The following DOCK10 variants were observed in gnomAD, a reference collection of about 807,000 sequenced individuals.
The protein encoded by DOCK10 is dedicator of cytokinesis 10.
Under a neutral mutation model 280.1 loss-of-function variants are expected in DOCK10, and 145 were observed. The ratio of observed to expected loss-of-function variants is 0.52; its 90% confidence interval spans 0.45 to 0.59. DOCK10 has a LOEUF of 0.59. Among genes scored for constraint, DOCK10 ranks in the 20% least tolerant of loss-of-function variants. DOCK10 has a pLI of 0.00. For missense variants in DOCK10, 2,368 were observed against 2,651.7 expected (o/e 0.89, Z 2.35); for synonymous variants, 915 against 942.2 (o/e 0.97, Z 0.53).
chr2:224,891,185 T>A (rs1699640564), intron 4 of DOCK10, among the ~76,000 whole-genome samples: 1 of 152,204 alleles, frequency 6.6e-6, no homozygotes, highest in Admixed American at 6.5e-5. Flanking sequence ...ATAGTGGGAT[T>A]CATTGTACAC....
intron 1 of DOCK10, among the ~76,000 whole-genome samples, chr2:224,950,173 A>T (rs1440988889): frequency 6.6e-6 from 1 of 152,224 alleles, no homozygotes; most frequent in African/African-American, 2.4e-5. Flanking sequence ...TGACCCAGAG[A>T]TGGTTTGCAT....
intron 4 of DOCK10, among the ~76,000 whole-genome samples, chr2:224,888,482 A>G (rs562382395): frequency 6.6e-6 from 1 of 151,630 alleles, no homozygotes; most frequent in South Asian, 2.1e-4. Flanking sequence ...GTGTGTGAAT[A>G]CATGTGTGTG....
intron 42 of DOCK10, 70 bp downstream of exon 42, chr2:224,797,762 C>T: frequency 6.5e-7 from 1 of 1,526,998 alleles, no homozygotes; most frequent in Non-Finnish European, 8.8e-7. Context: ...GCAAGGATTC[C>T]TATAGGTTTA....
intron 7 of DOCK10, among the ~76,000 whole-genome samples, chr2:224,877,002 C>A (rs1478885169): frequency 6.6e-6 from 1 of 152,214 alleles, no homozygotes; most frequent in Non-Finnish European, 1.5e-5. Context: ...TTGTGACCAA[C>A]CCACAAAGCC....
At chr2:224,999,702 C>T (rs534996489) in intron 1 of DOCK10, among the ~76,000 whole-genome samples, 1 of 128,346 alleles carries the variant, frequency 7.8e-6, no homozygotes, top group South Asian at 2.8e-4. Flanking sequence ...TCCATAAACA[C>T]TATAATGGTG....
At chr2:224,862,616 C>T (rs771890557) in intron 14 of DOCK10, 48 bp downstream of exon 14, 1 of 1,486,892 alleles carries the variant, frequency 6.7e-7, no homozygotes, top group Non-Finnish European at 9.4e-7. Flanking sequence ...GCTTCCAATG[C>T]CACCATTAAA....
chr2:224,875,960 A>G, intron 8 of DOCK10, 78 bp downstream of exon 8: 1 of 1,434,668 alleles, frequency 7.0e-7, no homozygotes, highest in Non-Finnish European at 9.5e-7. Context: ...CAGCAACTAC[A>G]ATGCCTAGCA....
intron 4 of DOCK10, among the ~76,000 whole-genome samples, chr2:224,891,925 T>A (rs188228194): frequency 5.9e-5 from 9 of 152,304 alleles, no homozygotes; most frequent in Admixed American, 5.9e-4. Flanking sequence ...GCCATTCTCC[T>A]TTGCCATTCA....
At chr2:224,811,869 T>G (rs1056198125) in intron 31 of DOCK10, among the ~76,000 whole-genome samples, 1 of 152,024 alleles carries the variant, frequency 6.6e-6, no homozygotes, top group Non-Finnish European at 1.5e-5. Flanking sequence ...ACCAGTACCA[T>G]GCTGTTTTGG....
intron 11 of DOCK10, among the ~76,000 whole-genome samples, chr2:224,868,331 C>T (rs1698057966): frequency 6.6e-6 from 1 of 152,082 alleles, no homozygotes; most frequent in South Asian, 2.1e-4. Flanking sequence ...TAATTACATA[C>T]ATATATGTAC....
intron 11 of DOCK10, among the ~76,000 whole-genome samples, chr2:224,872,919 T>C (rs959392238): frequency 1.3e-5 from 2 of 151,928 alleles, no homozygotes; most frequent in African/African-American, 4.8e-5. Context: ...ATAATCAAGA[T>C]TGATATAGAA....
chr2:224,993,668 G>A (rs779994614), intron 1 of DOCK10, among the ~76,000 whole-genome samples: 56 of 152,204 alleles, frequency 3.7e-4, no homozygotes, highest in African/African-American at 1.1e-3. Flanking sequence ...ATTTTCAAGC[G>A]TAACTGAATT....
chr2:224,982,952 A>C (rs992771989), intron 1 of DOCK10, among the ~76,000 whole-genome samples: 14 of 152,296 alleles, frequency 9.2e-5, no homozygotes, highest in African/African-American at 3.4e-4. Context: ...TGATTTAACC[A>C]AAGTATGCAC....
At chr2:224,980,766 AT>A (rs1480053535) in intron 1 of DOCK10, among the ~76,000 whole-genome samples, 1 of 152,176 alleles carries the variant, frequency 6.6e-6, no homozygotes, top group Non-Finnish European at 1.5e-5. Context: ...GGGAACTGGT[AT>A]TTAGCAGCTG....
At chr2:224,789,599 G>A (rs1692001048) in intron 47 of DOCK10, among the ~76,000 whole-genome samples, 1 of 152,082 alleles carries the variant, frequency 6.6e-6, no homozygotes, top group Admixed American at 6.5e-5. Flanking sequence ...ATGCTTGTAG[G>A]TGGGTGTGTG....
intron 1 of DOCK10, among the ~76,000 whole-genome samples, chr2:224,989,667 C>G (rs1706076560): frequency 6.6e-6 from 1 of 152,070 alleles, no homozygotes; most frequent in Non-Finnish European, 1.5e-5. Context: ...TGGGTAAGCC[C>G]CCCGCCAGGT....
chr2:224,880,396 A>T (rs1157375636), intron 7 of DOCK10, among the ~76,000 whole-genome samples: 2 of 152,306 alleles, frequency 1.3e-5, no homozygotes, highest in South Asian at 4.1e-4. Context: ...ATAATGTCAT[A>T]TAGAATAGCA....
chr2:224,865,220 C>T (rs374065788), intron 11 of DOCK10, 133 bp from the exon 12 acceptor site: 11 of 779,128 alleles, frequency 1.4e-5, no homozygotes, highest in African/African-American at 8.7e-5. Context: ...CTCAGTGACC[C>T]GGAATCCTGT....
At chr2:225,018,350 G>A (rs987969622) in intron 1 of DOCK10, among the ~76,000 whole-genome samples, 1 of 151,488 alleles carries the variant, frequency 6.6e-6, no homozygotes, top group Non-Finnish European at 1.5e-5. Context: ...AATAGGGGCC[G>A]AGTGATATGC....
Sources: allele counts gnomAD v4.1 joint callset (sites outside exome capture counted in the v4.1 genomes callset), GRCh38; gene constraint gnomAD v4.1.1; transcripts MANE v1.5; gene names NCBI Gene and HGNC (gene_info 2026-07-23, HGNC 2026-07-21).